Variants in BCL11A observed in about 807,000 individuals in gnomAD.
The protein encoded by BCL11A is BCL11 transcription factor A.
Under a neutral mutation model 55.9 loss-of-function variants are expected in BCL11A, and 2 were observed. The observed-to-expected ratio is 0.04, with a 90% CI of 0.01 to 0.11. The LOEUF is 0.11. Ranked by LOEUF, BCL11A falls within the 10% of genes least tolerant of loss-of-function variation. The pLI is 1.00. For synonymous variants in BCL11A, 465 were observed against 473.4 expected, an observed-to-expected ratio of 0.98 and a Z score of 0.23; for missense variants, 817 against 1,137.1, an observed-to-expected ratio of 0.72 and a Z score of 4.05.
chr2:60,540,378 A>G (rs1179441060), intron 2 of BCL11A, among the ~76,000 whole-genome samples: 1 of 152,226 alleles, frequency 6.6e-6, no homozygotes, highest in African/African-American at 2.4e-5. Flanking sequence ...TGTGCAATAA[A>G]GGGTGTGAAC....
chr2:60,495,437 G>A (rs1454449812), intron 2 of BCL11A, among the ~76,000 whole-genome samples: 1 of 152,196 alleles, frequency 6.6e-6, no homozygotes, highest in Non-Finnish European at 1.5e-5. Flanking sequence ...GGGGCATAGA[G>A]CCAGCCCTGT....
intron 2 of BCL11A, among the ~76,000 whole-genome samples, chr2:60,506,592 G>A (rs557806142): frequency 4.6e-5 from 7 of 152,338 alleles, no homozygotes; most frequent in Non-Finnish European, 7.3e-5. Flanking sequence ...GCACCCACGT[G>A]CCTTTGTGCA....
chr2:60,474,819 T>C (rs553289668), intron 2 of BCL11A, among the ~76,000 whole-genome samples: 1 of 152,328 alleles, frequency 6.6e-6, no homozygotes, highest in South Asian at 2.1e-4. Flanking sequence ...CTGTGGGCAG[T>C]ACAAAGAAAA....
At chr2:60,542,773 A>T (rs1669980675) in intron 2 of BCL11A, 1 of 152,296 alleles carries the variant, frequency 6.6e-6, no homozygotes, top group South Asian at 2.1e-4. Context: ...TCAAGCCTGT[A>T]ATCCCAGCAC....
chr2:60,455,052 G>C (rs1675878717), downstream of BCL11A, among the ~76,000 whole-genome samples: 1 of 152,172 alleles, frequency 6.6e-6, no homozygotes. Flanking sequence ...ACAAAGAGAG[G>C]ATAGCAAATG....
At chr2:60,480,017 T>C (rs1677864038) in intron 2 of BCL11A, among the ~76,000 whole-genome samples, 1 of 152,204 alleles carries the variant, frequency 6.6e-6, no homozygotes, top group Non-Finnish European at 1.5e-5. Flanking sequence ...ACTTTGCATT[T>C]ATGGCCTGCG....
chr2:60,550,481 T>G (rs1350158510), intron 1 of BCL11A, among the ~76,000 whole-genome samples: 3 of 151,884 alleles, frequency 2.0e-5, no homozygotes, highest in Non-Finnish European at 4.4e-5. Context: ...CTGGTACAGG[T>G]TCAAGTTCGC....
chr2:60,536,968 T>C (rs975248952), intron 2 of BCL11A: 1 of 152,272 alleles, frequency 6.6e-6, no homozygotes, highest in Non-Finnish European at 1.5e-5. Flanking sequence ...AACAAGTACG[T>C]GTCTGTGCTG....
chr2:60,458,241 T>C lies in BCL11A; in HGVS notation c.*2163A>G. 2.0e-6 allele frequency: 2 copies of C among 1,023,368 alleles called. No individual in the cohort carries two copies. Among genetic ancestry groups the C allele is most frequent in the Non-Finnish European group, 2.3e-6 (2 of 851,786 alleles). The allele number at this position is 1,023,368 out of a possible 1,614,324, so 63.4% of individuals were successfully genotyped here. ...GAGTGTGCATTTTCCTATATTTAAG[T>C]ACTATATAATCTTAAACCTTTCCCC... On this transcript the variant is annotated 3_prime_UTR_variant, in exon 4 of 4. Coordinates refer to ENST00000642384, the MANE Select transcript of BCL11A (RefSeq NM_022893.4).
intron 2 of BCL11A, among the ~76,000 whole-genome samples, chr2:60,475,980 C>T (rs1460656400): frequency 6.6e-6 from 1 of 152,130 alleles, no homozygotes; most frequent in East Asian, 1.9e-4. Flanking sequence ...TCTTTCTGGC[C>T]CTAAGTGTTT....
At chr2:60,547,026 A>G (rs1670186774) in intron 1 of BCL11A, among the ~76,000 whole-genome samples, 1 of 152,222 alleles carries the variant, frequency 6.6e-6, no homozygotes, top group Non-Finnish European at 1.5e-5. Context: ...GAAATACCAA[A>G]TGCACGGGCA....
chr2:60,489,992 C>A (rs772960005), intron 2 of BCL11A, among the ~76,000 whole-genome samples: 2 of 152,148 alleles, frequency 1.3e-5, no homozygotes, highest in African/African-American at 2.4e-5. Context: ...CCAATACAGA[C>A]CCTGATGGGC....
intron 2 of BCL11A, among the ~76,000 whole-genome samples, chr2:60,487,284 T>C (rs920125603): frequency 4.6e-5 from 7 of 152,244 alleles, no homozygotes; most frequent in African/African-American, 1.7e-4. Context: ...TTCATGCTAA[T>C]GTCAGCAGAG....
At chr2:60,506,647 C>A (rs184285419) in intron 2 of BCL11A, among the ~76,000 whole-genome samples, 2 of 152,228 alleles carry the variant, frequency 1.3e-5, no homozygotes, top group Non-Finnish European at 2.9e-5. Flanking sequence ...ACTAAGAAAA[C>A]GACCGTGCCC....
Position 60,553,346 on chromosome 2 carries a change from G to T in BCL11A, c.-76C>A. 2 of 1,465,480 alleles carry T rather than the reference G, an allele frequency of 1.4e-6. No homozygotes were observed. The highest frequency in any genetic ancestry group is 1.8e-6 in the Non-Finnish European group (2 of 1,089,222). The allele number at this position is 1,465,480 out of a possible 1,614,324, so 90.8% of individuals were successfully genotyped here. On this transcript the variant is annotated 5_prime_UTR_variant, in exon 1 of 4. Coordinates refer to ENST00000642384, the MANE Select transcript of BCL11A (RefSeq NM_022893.4). ...CGACGGCTCGGTTCACATCGGGAGA[G>T]CCGGGTTAGAAAGAAGGAGACTCCA... is the stretch of plus-strand genomic sequence containing the variant.
At chr2:60,483,903 C>G (rs950706914) in intron 2 of BCL11A, 2 of 150,904 alleles carry the variant, frequency 1.3e-5, no homozygotes, top group Non-Finnish European at 2.9e-5. Flanking sequence ...TTTTTTTTCC[C>G]CCTTTGAAAC....
intron 3 of BCL11A, among the ~76,000 whole-genome samples, chr2:60,465,810 C>A (rs867545258): frequency 6.6e-6 from 1 of 152,328 alleles, no homozygotes; most frequent in Middle Eastern, 3.4e-3. Context: ...GTTTTCATTA[C>A]TACCAGGGGT....
At chr2:60,529,067 G>T (rs1669333141) in intron 2 of BCL11A, among the ~76,000 whole-genome samples, 1 of 152,162 alleles carries the variant, frequency 6.6e-6, no homozygotes, top group Non-Finnish European at 1.5e-5. Context: ...GGGGAGAGGG[G>T]ACTCCCACCC....
intron 2 of BCL11A, among the ~76,000 whole-genome samples, chr2:60,473,963 G>A (rs1038659453): frequency 7.2e-5 from 11 of 152,100 alleles, no homozygotes; most frequent in Admixed American, 2.6e-4. Flanking sequence ...AAAAACAAAA[G>A]AAAGCAATAA....
Sources: gnomAD v4.1 joint callset for allele counts (sites outside exome capture counted in the v4.1 genomes callset) on GRCh38, gnomAD v4.1.1 for gene constraint, MANE v1.5 for transcripts, NCBI Gene and HGNC (gene_info 2026-07-23, HGNC 2026-07-21) for gene names.